CNBD1: variants seen among roughly 807,000 people sequenced by gnomAD.
CNBD1 encodes the protein cyclic nucleotide-binding domain-containing protein 1.
Under a neutral mutation model 54.4 loss-of-function variants are expected in CNBD1, and 71 were observed. That is an observed-to-expected ratio of 1.30 (90% CI 1.08 to 1.59). CNBD1 has a LOEUF of 1.59. CNBD1 is among the 40% of genes most tolerant of loss of function. CNBD1 has a pLI of 0.00. For synonymous variants in CNBD1, 182 were observed against 170.7 expected, an observed-to-expected ratio of 1.07 and a Z score of -0.51; for missense variants, 659 against 518.0, an observed-to-expected ratio of 1.27 and a Z score of -2.64.
At chr8:87,368,432 T>C (rs1810688070) in intron 10 of CNBD1, among the ~76,000 whole-genome samples, 1 of 151,894 alleles carries the variant, frequency 6.6e-6, no homozygotes, top group African/African-American at 2.4e-5. Flanking sequence ...GGCCAGGAGA[T>C]GGAGACTAGA....
At chr8:87,131,185 T>G (rs774135615) in intron 4 of CNBD1, among the ~76,000 whole-genome samples, 1 of 152,262 alleles carries the variant, frequency 6.6e-6, no homozygotes, top group South Asian at 2.1e-4. Flanking sequence ...TCAATGAAAT[T>G]TTCGTGTGCT....
At chr8:86,987,062 T>C (rs1808625173) in intron 4 of CNBD1, among the ~76,000 whole-genome samples, 1 of 152,192 alleles carries the variant, frequency 6.6e-6, no homozygotes, top group African/African-American at 2.4e-5. Context: ...ACATAGGTAG[T>C]TTGACAGGAA....
chr8:87,112,230 T>C (rs920436784), intron 4 of CNBD1, among the ~76,000 whole-genome samples: 5 of 152,192 alleles, frequency 3.3e-5, no homozygotes, highest in Admixed American at 6.5e-5. Context: ...TGGAGCATTG[T>C]TTTTAGTGCA....
intron 2 of CNBD1, among the ~76,000 whole-genome samples, chr8:87,390,683 T>C (rs537234720): frequency 0.018 from 2,806 of 152,094 alleles, 87 homozygotes; most frequent in African/African-American, 0.061. Flanking sequence ...GTGAGTGTGA[T>C]GATTCCTCAG....
chr8:87,151,878 G>A (rs1462940305), intron 4 of CNBD1, among the ~76,000 whole-genome samples: 2 of 151,806 alleles, frequency 1.3e-5, no homozygotes, highest in Admixed American at 6.6e-5. Context: ...TTCATCAATG[G>A]GCATATTTTT....
intron 8 of CNBD1, among the ~76,000 whole-genome samples, chr8:87,335,675 C>T (rs909502942): frequency 3.3e-5 from 5 of 152,060 alleles, no homozygotes; most frequent in Non-Finnish European, 7.4e-5. Flanking sequence ...CAGTCTGTGT[C>T]TTTTAATTGG....
intron 10 of CNBD1, among the ~76,000 whole-genome samples, chr8:87,372,210 C>G (rs1269971902): frequency 1.3e-5 from 2 of 151,966 alleles, no homozygotes; most frequent in Admixed American, 6.6e-5. Context: ...AAACAGAGAG[C>G]CAAATCATGA....
At chr8:87,006,176 T>G (rs1809093388) in intron 4 of CNBD1, among the ~76,000 whole-genome samples, 2 of 152,120 alleles carry the variant, frequency 1.3e-5, no homozygotes, top group Admixed American at 1.3e-4. Flanking sequence ...GGTTTCTGAT[T>G]GACCATTTTT....
chr8:86,945,552 A>T (rs1275607525), intron 4 of CNBD1, among the ~76,000 whole-genome samples: 1 of 152,204 alleles, frequency 6.6e-6, no homozygotes, highest in African/African-American at 2.4e-5. Context: ...TGATCAAAGA[A>T]AAACACTTTG....
intron 4 of CNBD1, among the ~76,000 whole-genome samples, chr8:87,101,770 TC>T (rs1225270899): frequency 6.6e-6 from 1 of 152,164 alleles, no homozygotes; most frequent in Non-Finnish European, 1.5e-5. Flanking sequence ...ATGTTCCTTG[TC>T]CATAATGAAA....
intron 4 of CNBD1, among the ~76,000 whole-genome samples, chr8:87,094,859 G>C (rs1307726538): frequency 6.6e-6 from 1 of 152,184 alleles, no homozygotes; most frequent in Non-Finnish European, 1.5e-5. Context: ...CCAACATGGT[G>C]AAACCCTGTC....
intron 4 of CNBD1, among the ~76,000 whole-genome samples, chr8:86,971,783 GCTCT>G (rs1808224395): frequency 6.6e-6 from 1 of 152,000 alleles, no homozygotes; most frequent in Non-Finnish European, 1.5e-5. Context: ...TATTTCACTA[GCTCT>G]CTCTATATTT....
At chr8:86,937,379 C>T (rs971503738) in intron 3 of CNBD1, among the ~76,000 whole-genome samples, 4 of 152,188 alleles carry the variant, frequency 2.6e-5, no homozygotes, top group East Asian at 1.9e-4. Context: ...ATCATTCTGA[C>T]TCTGGCCCCT....
At chr8:86,949,042 C>A (rs1807540297) in intron 4 of CNBD1, among the ~76,000 whole-genome samples, 1 of 152,028 alleles carries the variant, frequency 6.6e-6, no homozygotes, top group Admixed American at 6.6e-5. Context: ...GTACCGTTGT[C>A]AAAAATGAGC....
chr8:87,248,643 A>T (rs1203507750), intron 6 of CNBD1, among the ~76,000 whole-genome samples: 3 of 152,212 alleles, frequency 2.0e-5, no homozygotes. Flanking sequence ...GAGAATGTGA[A>T]TCACCTGTTG....
chr8:87,226,955 T>C lies in CNBD1; in HGVS notation c.578-9964T>C, dbSNP rs554795980. 1.3e-4 allele frequency among the ~76,000 whole-genome samples: 19 copies of C among 151,922 alleles called. No individual in the cohort carries two copies. The South Asian group carries it at 3.5e-3, about 28-fold the overall frequency. ...TGGGTGCATATATATTTAGGATAGT[T>C]AGCTCTTCTTGTTGAATTGATCCCT... On this transcript the variant is annotated intron_variant, in intron 5 of 10. Transcript: ENST00000518476.
At chr8:87,253,342 T>C (rs1346093552) in intron 6 of CNBD1, among the ~76,000 whole-genome samples, 2 of 152,058 alleles carry the variant, frequency 1.3e-5, no homozygotes, top group African/African-American at 4.8e-5. Flanking sequence ...GAGATCATAG[T>C]GTTTCTTCCC....
At chr8:87,342,028 C>T (rs1586030076) in intron 8 of CNBD1, among the ~76,000 whole-genome samples, 1 of 152,274 alleles carries the variant, frequency 6.6e-6, no homozygotes, top group African/African-American at 2.4e-5. Flanking sequence ...AATCCTAGCA[C>T]TTTGGGAGGC....
intron 4 of CNBD1, among the ~76,000 whole-genome samples, chr8:87,188,141 C>G (rs1430829615): frequency 6.6e-6 from 1 of 152,088 alleles, no homozygotes; most frequent in Admixed American, 6.5e-5. Context: ...CCTCTCTTTC[C>G]CCACTGCCAA....
Sources: allele counts gnomAD v4.1 joint callset (sites outside exome capture counted in the v4.1 genomes callset), GRCh38; gene constraint gnomAD v4.1.1; transcripts MANE v1.5; gene names NCBI Gene and HGNC (gene_info 2026-07-23, HGNC 2026-07-21).